Variants in RUNX1 observed in about 807,000 individuals in gnomAD.
RUNX1 encodes RUNX family transcription factor 1, also known as runt-related transcription factor 1.
A neutral mutation model predicts 42.8 loss-of-function variants in RUNX1; 19 were observed. The ratio of observed to expected loss-of-function variants is 0.44; its 90% CI spans 0.31 to 0.65. RUNX1 has a LOEUF of 0.65. Among genes scored for constraint, RUNX1 ranks in the 30% least tolerant of loss-of-function variants. The probability of loss-of-function intolerance (pLI) is 0.07; values close to 1 mark genes in which losing one functional copy is unlikely to be tolerated. For missense variants in RUNX1, 528 were observed against 672.0 expected, an observed-to-expected ratio of 0.79 and a Z score of 2.37; for synonymous variants, 271 against 289.4, an observed-to-expected ratio of 0.94 and a Z score of 0.64.
chr21:34,905,365 A>G lies in RUNX1; in HGVS notation c.59-12402T>C, dbSNP rs139035364. On this transcript the variant is annotated intron_variant, in intron 2 of 8. Transcript: ENST00000675419. Reference sequence around the variant, plus strand: ...ATTTCCCCATCCCCCACCTTTCCCAATTAGAGTGGAAATGGATTAAGACTT... The same window carrying G: ...ATTTCCCCATCCCCCACCTTTCCCAGTTAGAGTGGAAATGGATTAAGACTT... 2.6e-5 allele frequency among the ~76,000 whole-genome samples: 4 copies of G among 152,290 alleles called. No homozygotes were observed. In the East Asian group the frequency reaches 7.7e-4, roughly 29 times the overall value.
rs141014304 is a variant in RUNX1 at position 35,005,934 on chromosome 21, C to T, written c.58+42908G>A. Among the ~76,000 whole-genome samples the T allele has an allele frequency of 1.2e-4, 18 of 152,290 alleles. No individual in the cohort carries two copies. In the South Asian group the frequency reaches 1.4e-3, roughly 12 times the overall value. On this transcript the variant is annotated intron_variant, in intron 2 of 8. Coordinates refer to ENST00000675419, the MANE Select transcript of RUNX1 (RefSeq NM_001754.5). ...CAACTGGGATGTGTGGCGACCAGTA[C>T]GTCCACTCCAGCTGGAATGCCTGGG...
chr21:35,024,920 T>G (rs2059224825), intron 2 of RUNX1, among the ~76,000 whole-genome samples: 1 of 152,236 alleles, frequency 6.6e-6, no homozygotes, highest in African/African-American at 2.4e-5. Flanking sequence ...AGATCAAGAC[T>G]GGTGACAAAT....
chr21:34,817,069 G>A (rs1300223907), intron 7 of RUNX1, among the ~76,000 whole-genome samples: 1 of 152,186 alleles, frequency 6.6e-6, no homozygotes, highest in Non-Finnish European at 1.5e-5. Context: ...TCTACCAGGA[G>A]TGCAGGGCTA....
chr21:34,797,946 C>T (rs1052685084), intron 8 of RUNX1: 8 of 447,086 alleles, frequency 1.8e-5, no homozygotes, highest in South Asian at 3.1e-5. Context: ...AAATATTCTC[C>T]GATGCTCAGG....
At position 34,873,346 on chromosome 21, in the gene RUNX1, G is replaced by T. The variant is rs372209114; in HGVS notation, c.508+7211C>A. The stretch of plus-strand genomic sequence containing the variant: ...GTGCTGGCCAGCCCTCCTATTAACT[G>T]GACAGGCACGTCCTTGGGATAGGTG... On this transcript the variant is annotated intron_variant, in intron 5 of 8. Transcript: ENST00000675419. Among the ~76,000 whole-genome samples the T allele has an allele frequency of 1.9e-4, 29 of 152,290 alleles. No individual in the cohort carries two copies. The East Asian group carries it at 4.2e-3, about 22-fold the overall frequency.
intron 2 of RUNX1, among the ~76,000 whole-genome samples, chr21:34,964,887 C>T (rs1007844246): frequency 2.0e-5 from 3 of 152,178 alleles, no homozygotes; most frequent in Non-Finnish European, 2.9e-5. Flanking sequence ...TCAGCACACA[C>T]GTACACACAG....
intron 2 of RUNX1, among the ~76,000 whole-genome samples, chr21:34,967,074 G>A (rs529306628): frequency 6.6e-5 from 10 of 151,814 alleles, no homozygotes; most frequent in East Asian, 5.8e-4. Flanking sequence ...TTCCCAGGCC[G>A]GGCGCGGCGG....
At position 34,792,178 on chromosome 21, in the gene RUNX1, G is replaced by T. The variant is rs1442794209; in HGVS notation, c.1400C>A (p.Ala467Glu). Residue 467 changes from alanine (A) to glutamate (E), a missense_variant, in exon 9 of 9, where the codon GCG becomes GAG. By Grantham distance (107) the Ala-to-Glu change is moderately radical. Around this residue, in one of 3 missense-constraint regions of RUNX1, gnomAD observed 331 missense variants for 382.5 expected, o/e 0.87. Coordinates refer to ENST00000675419, the MANE Select transcript of RUNX1 (RefSeq NM_001754.5). This position sits in a 1 kb window ranked among gnomAD's most constrained non-coding sequence, Gnocchi z 6.9. ...GSHSNSPTNM[A>E]PSARLEEAVW... The stretch of plus-strand genomic sequence containing the variant: ...GGCCTCCTCCAGGCGCGCGGAGGGC[G>T]CCATGTTGGTGGGGGAGTTGCTGTG... The T allele has an allele frequency of 1.3e-6, 2 of 1,530,580 alleles. No homozygotes were observed. The highest frequency in any genetic ancestry group is 2.0e-5 in the Admixed American group (1 of 51,068). 94.8% of individuals were successfully genotyped at this position (1,530,580 alleles called of 1,614,324 possible). A position where few individuals can be genotyped will look rare whatever the true frequency, so the allele number is the denominator to read the frequency against.
intron 5 of RUNX1, among the ~76,000 whole-genome samples, chr21:34,865,497 G>A (rs1363420391): frequency 6.6e-6 from 1 of 152,090 alleles, no homozygotes; most frequent in Admixed American, 6.5e-5. Context: ...TGTCTCCCTC[G>A]ACGCCAGTGT....
Position 34,907,150 on chromosome 21 carries a change from T to C in RUNX1, c.59-14187A>G, listed in dbSNP as rs74951821. Among the ~76,000 whole-genome samples the C allele has an allele frequency of 5.5e-3, 833 of 152,186 alleles. 5 individuals are homozygous for C. Among genetic ancestry groups the C allele is most frequent in the Non-Finnish European group, 8.5e-3 (576 of 68,008 alleles). On this transcript the variant is annotated intron_variant, in intron 2 of 8. Transcript: ENST00000675419. This position sits in a 1 kb window ranked among gnomAD's most constrained non-coding sequence, Gnocchi z 5.3. ...AACCTTGACTCTAAGGACAGCACTT[T>C]CCTGGTGTACAGTCTTTGGGGGCTC...
chr21:34,860,559 T>C (rs11702579), intron 5 of RUNX1, among the ~76,000 whole-genome samples: 33,205 of 151,752 alleles, frequency 0.22, 4,412 homozygotes, highest in Non-Finnish European at 0.3. Flanking sequence ...GTGTATGTTG[T>C]CTGCTTTATT....
intron 2 of RUNX1, among the ~76,000 whole-genome samples, chr21:34,981,153 A>C (rs1490948694): frequency 6.6e-6 from 1 of 152,234 alleles, no homozygotes; most frequent in Non-Finnish European, 1.5e-5. Context: ...TCTAAACATG[A>C]GGAAGCGGCT....
At chr21:35,002,825 T>C (rs914546374) in intron 2 of RUNX1, among the ~76,000 whole-genome samples, 1 of 152,212 alleles carries the variant, frequency 6.6e-6, no homozygotes, top group Admixed American at 6.5e-5. Flanking sequence ...ATCTAAAACA[T>C]GTCAGGCACA....
intron 2 of RUNX1, among the ~76,000 whole-genome samples, chr21:35,025,424 T>C (rs1181475083): frequency 1.3e-5 from 2 of 152,154 alleles, no homozygotes; most frequent in East Asian, 3.9e-4. Flanking sequence ...CCCCCAGACG[T>C]TCCGATGCCC....
chr21:34,985,932 G>A (rs1008881), intron 2 of RUNX1, among the ~76,000 whole-genome samples: 51,760 of 142,682 alleles, frequency 0.36, 9,178 homozygotes, highest in East Asian at 0.42. Context: ...GAGTACAATA[G>A]CACGATCATG....
intron 5 of RUNX1, among the ~76,000 whole-genome samples, chr21:34,876,046 C>T (rs1300886706): frequency 6.6e-6 from 1 of 152,086 alleles, no homozygotes; most frequent in East Asian, 1.9e-4. Flanking sequence ...TGAAAGTGGG[C>T]AAGATTAAAG....
chr21:34,919,372 AT>A (rs1431575517), intron 2 of RUNX1, among the ~76,000 whole-genome samples: 2 of 152,286 alleles, frequency 1.3e-5, no homozygotes, highest in Non-Finnish European at 2.9e-5. Flanking sequence ...TCAAGACCAC[AT>A]TTTACGTTTG....
At chr21:34,994,699 C>T (rs980267156) in intron 2 of RUNX1, among the ~76,000 whole-genome samples, 11 of 152,056 alleles carry the variant, frequency 7.2e-5, no homozygotes, top group Non-Finnish European at 1.3e-4. Flanking sequence ...AATAAATAAA[C>T]GAAATGATCT....
chr21:34,834,204 G>C (rs1463101666), intron 7 of RUNX1: 1 of 699,938 alleles, frequency 1.4e-6, no homozygotes, highest in African/African-American at 1.8e-5. Flanking sequence ...TTACAATGCA[G>C]ATCTGACTCG....
Sources: gnomAD v4.1 joint callset for allele counts (sites outside exome capture counted in the v4.1 genomes callset) on GRCh38, gnomAD v4.1.1 for gene constraint, gnomAD v4.1.1 regional missense constraint, Gnocchi (gnomAD v3.1) non-coding constraint, MANE v1.5 for transcripts, NCBI Gene and HGNC (gene_info 2026-07-23, HGNC 2026-07-21) for gene names.